Variants in ITGA9 observed in about 807,000 individuals in gnomAD.
ITGA9 encodes integrin subunit alpha 9.
A neutral mutation model predicts 127.8 loss-of-function variants in ITGA9; 56 were observed. The observed-to-expected ratio is 0.44, with a 90% CI of 0.35 to 0.55. ITGA9 has a LOEUF of 0.55. ITGA9 is among the 20% of genes least tolerant of loss of function. The pLI is 0.00. For synonymous variants in ITGA9, 508 were observed against 514.5 expected, an observed-to-expected ratio of 0.99 and a Z score of 0.17; for missense variants, 1,196 against 1,347.1, an observed-to-expected ratio of 0.89 and a Z score of 1.76.
At chr3:37,792,222 T>C (rs577856199) in intron 26 of ITGA9, among the ~76,000 whole-genome samples, 12 of 152,306 alleles carry the variant, frequency 7.9e-5, no homozygotes, top group African/African-American at 2.4e-4. Context: ...ATTTGCTTAT[T>C]TGTTTGATGA....
chr3:37,581,953 G>C (rs763342590), intron 15 of ITGA9, among the ~76,000 whole-genome samples: 1 of 152,168 alleles, frequency 6.6e-6, no homozygotes, highest in Non-Finnish European at 1.5e-5. Context: ...CTGTCCTGGA[G>C]GTAAGCAGCC....
intron 23 of ITGA9, among the ~76,000 whole-genome samples, chr3:37,754,875 C>T (rs1456699566): frequency 6.6e-6 from 1 of 152,160 alleles, no homozygotes. Flanking sequence ...GGACTGCTCA[C>T]ATCCCTATGA....
At chr3:37,517,129 A>G (rs1017303606) in intron 9 of ITGA9, among the ~76,000 whole-genome samples, 2 of 152,238 alleles carry the variant, frequency 1.3e-5, no homozygotes, top group Non-Finnish European at 2.9e-5. Context: ...ATACCCTTTT[A>G]AAACAACATT....
intron 23 of ITGA9, among the ~76,000 whole-genome samples, chr3:37,775,155 A>G (rs1696891477): frequency 6.6e-6 from 1 of 152,236 alleles, no homozygotes; most frequent in African/African-American, 2.4e-5. Context: ...TGTCATCTAT[A>G]AGGGACTTAA....
At chr3:37,659,986 A>ACACG (rs1455539891) in intron 17 of ITGA9, among the ~76,000 whole-genome samples, 3 of 150,230 alleles carry the variant, frequency 2.0e-5, no homozygotes, top group Admixed American at 1.3e-4. Context: ...ATGATGTAAC[A>ACACG]CACACACACA....
chr3:37,508,428 T>C, intron 7 of ITGA9, 131 bp from the exon 8 acceptor site: 3 of 712,530 alleles, frequency 4.2e-6, no homozygotes, highest in Non-Finnish European at 7.1e-6. Flanking sequence ...TTCATGATCA[T>C]CAGCTAGCAT....
intron 16 of ITGA9, among the ~76,000 whole-genome samples, chr3:37,652,338 T>C (rs1700436977): frequency 6.6e-6 from 1 of 152,154 alleles, no homozygotes; most frequent in African/African-American, 2.4e-5. Flanking sequence ...CCTGTTTTCT[T>C]CTTAGTTAAG....
intron 18 of ITGA9, among the ~76,000 whole-genome samples, chr3:37,718,968 T>C (rs1203999377): frequency 2.6e-5 from 4 of 152,192 alleles, no homozygotes; most frequent in Non-Finnish European, 5.9e-5. Flanking sequence ...GGGTGTGGCA[T>C]CTCTGGCTCC....
intron 18 of ITGA9, among the ~76,000 whole-genome samples, chr3:37,710,574 A>G (rs1023766235): frequency 3.4e-4 from 52 of 152,342 alleles, no homozygotes; most frequent in African/African-American, 1.2e-3. Flanking sequence ...AGTCCTGAAC[A>G]TCGGAGATAG....
intron 15 of ITGA9, among the ~76,000 whole-genome samples, chr3:37,558,942 C>T (rs1490086580): frequency 1.3e-5 from 2 of 152,204 alleles, no homozygotes; most frequent in East Asian, 1.9e-4. Flanking sequence ...TGGTGCTGAG[C>T]TCCCTCACAT....
At chr3:37,771,580 A>G (rs1696843933) in intron 23 of ITGA9, among the ~76,000 whole-genome samples, 1 of 151,450 alleles carries the variant, frequency 6.6e-6, no homozygotes, top group Admixed American at 6.6e-5. Context: ...TGTACCACAG[A>G]ACTTCACTGG....
intron 22 of ITGA9, 119 bp downstream of exon 22, chr3:37,744,153 G>GGT (rs1696472642): frequency 9.2e-6 from 7 of 760,714 alleles, no homozygotes; most frequent in Non-Finnish European, 1.2e-5. Context: ...TGGCTGGTGT[G>GGT]GTGTGTGTGT....
intron 18 of ITGA9, among the ~76,000 whole-genome samples, chr3:37,697,272 G>A (rs368264076): frequency 6.7e-4 from 101 of 151,272 alleles, no homozygotes; most frequent in Middle Eastern, 3.5e-3. Context: ...TTCTGGACCC[G>A]TCAGCATCTA....
chr3:37,760,636 T>A (rs187009067), intron 23 of ITGA9, among the ~76,000 whole-genome samples: 28 of 152,244 alleles, frequency 1.8e-4, no homozygotes, highest in African/African-American at 6.5e-4. Flanking sequence ...GGGAAGACAT[T>A]AGAGAAAGCC....
At chr3:37,711,107 T>C (rs1289921869) in intron 18 of ITGA9, among the ~76,000 whole-genome samples, 4 of 152,204 alleles carry the variant, frequency 2.6e-5, no homozygotes, top group African/African-American at 9.6e-5. Flanking sequence ...GCTTCCCTTG[T>C]GGCCCCTCGC....
intron 3 of ITGA9, among the ~76,000 whole-genome samples, chr3:37,479,570 C>G (rs1394159284): frequency 1.3e-5 from 2 of 152,178 alleles, no homozygotes; most frequent in African/African-American, 2.4e-5. Flanking sequence ...CCAAGAGCCC[C>G]CTCACTCACT....
intron 1 of ITGA9, among the ~76,000 whole-genome samples, chr3:37,458,484 T>C (rs1230263495): frequency 6.6e-6 from 1 of 152,242 alleles, no homozygotes; most frequent in Non-Finnish European, 1.5e-5. Context: ...AGCTGTCCTC[T>C]GCCAGGGTCA....
chr3:37,700,805 A>G (rs1180000583), intron 18 of ITGA9, among the ~76,000 whole-genome samples: 1 of 152,204 alleles, frequency 6.6e-6, no homozygotes, highest in Admixed American at 6.5e-5. Flanking sequence ...CTTTATGAGC[A>G]CTCTTTCAAT....
intron 16 of ITGA9, among the ~76,000 whole-genome samples, chr3:37,638,913 A>C (rs540280616): frequency 3.3e-5 from 5 of 152,354 alleles, no homozygotes; most frequent in Admixed American, 6.5e-5. Flanking sequence ...CAGGACAGGC[A>C]GGAGACCAAG....
Sources: gnomAD v4.1 joint callset for allele counts (sites outside exome capture counted in the v4.1 genomes callset) on GRCh38, gnomAD v4.1.1 for gene constraint, MANE v1.5 for transcripts, NCBI Gene and HGNC (gene_info 2026-07-23, HGNC 2026-07-21) for gene names.